Variants in STAB1 observed in about 807,000 individuals in gnomAD.
The protein encoded by STAB1 is stabilin-1.
In STAB1, 250 loss-of-function variants were observed where a neutral mutation model predicts 332.4. The ratio of observed to expected loss-of-function variants is 0.75; its 90% CI spans 0.68 to 0.84. The LOEUF is 0.84. Ranked by LOEUF, STAB1 falls within the 40% of genes least tolerant of loss-of-function variation. STAB1 has a pLI of 0.00. For synonymous variants in STAB1, 1,475 were observed against 1,390.4 expected, an observed-to-expected ratio of 1.06 and a Z score of -1.35; for missense variants, 3,249 against 3,489.7, an observed-to-expected ratio of 0.93 and a Z score of 1.74.
chr3:52,504,046 C>A lies in STAB1; in HGVS notation c.1041C>A (p.Ser347Arg). The A allele has an allele frequency of 6.3e-7, 1 of 1,596,460 alleles. No individual in the cohort carries two copies. Among genetic ancestry groups the A allele is most frequent in the African/African-American group, 1.3e-5 (1 of 74,700 alleles). Residue 347 changes from serine to arginine, a missense_variant, in exon 10 of 69, where the codon AGC (serine) becomes AGA (arginine). By Grantham distance (110) the Ser-to-Arg change is moderately radical. Transcript: ENST00000321725. The stretch of plus-strand genomic sequence containing the variant: ...AGCCCAGCTGTGTGTGCAGGGAAAG[C>A]GAGGTGGGGGATGGGCGTGCCTGCT... Reference protein sequence around the residue: ...DGKTSCVCRESEVGDGRACYG... With the variant: ...DGKTSCVCREREVGDGRACYG...
rs1259652870 is a variant in STAB1, at chr3:52,523,215, G to A, written c.7021-7G>A. On this transcript the variant is annotated splice_region_variant and splice_polypyrimidine_tract_variant and intron_variant, in intron 63 of 68. Coordinates refer to ENST00000321725, the MANE Select transcript of STAB1 (RefSeq NM_015136.3). ...CTGCTCATAGTTCTGTCTTTCCACC[G>A]TGCCAGATGCTATTGGGCTATGCCA... The A allele has an allele frequency of 1.7e-5, 27 of 1,612,904 alleles. No individual in the cohort carries two copies. Among genetic ancestry groups the A allele is most frequent in the African/African-American group, 2.7e-5 (2 of 74,926 alleles).
chr3:52,515,423 GAC>G lies in STAB1; in HGVS notation c.3870_3871del (p.Pro1291GlnfsTer39). The G allele has an allele frequency of 6.2e-7, 1 of 1,612,898 alleles. No homozygotes were observed. On this transcript the variant is annotated frameshift_variant and splice_region_variant, in exon 37 of 69. Transcript: ENST00000321725. LOFTEE classifies it high-confidence loss of function. Reference sequence around the variant, plus strand: ...CCCTCCTGCCTGTCCCCGTTTCCAGGACACACCCAGGAAGAGCTGTGTCTACC... The same window carrying G: ...CCCTCCTGCCTGTCCCCGTTTCCAGGACACCCAGGAAGAGCTGTGTCTACC... Reference protein sequence around the residue: ...FRCTQGFQLQDTPRKSCVYRS... With the variant: ...FRCTQGFQLQXTPRKSCVYRS...
intron 28 of STAB1, 46 bp downstream of exon 28, chr3:52,512,689 G>T (rs779237914): frequency 6.2e-7 from 1 of 1,613,106 alleles, no homozygotes; most frequent in Non-Finnish European, 8.5e-7. Flanking sequence ...AATCCAGGAG[G>T]CCTGCCTGGA....
intron 48 of STAB1, 42 bp downstream of exon 48, chr3:52,518,911 C>CCCCGCCCCGCCCCGCCCCGT (rs1312908002): frequency 2.1e-6 from 3 of 1,459,014 alleles, no homozygotes; most frequent in African/African-American, 1.4e-5. Flanking sequence ...TCCCGCCCCG[C>CCCCGCCCCGCCCCGCCCCGT]CCCGCCCCTG....
At chr3:52,517,264 CAG>C in intron 42 of STAB1, 54 bp from the exon 43 acceptor site, 1 of 1,507,574 alleles carries the variant, frequency 6.6e-7, no homozygotes, top group Non-Finnish European at 8.9e-7. Context: ...GTACAAAGGA[CAG>C]AGGAAGGGGG....
Position 52,513,968 on chromosome 3 carries a change from G to C in STAB1, c.3434G>C (p.Arg1145Pro). Residue 1145 changes from arginine (R) to proline (P), a missense_variant, in exon 32 of 69, where the codon CGG (arginine) becomes CCG (proline). By Grantham distance (103) the Arg-to-Pro change is moderately radical. Coordinates refer to ENST00000321725, the MANE Select transcript of STAB1 (RefSeq NM_015136.3). ...LDLVPAFSLF[R>P]ELLQHHGLVP... ...TTGGTGCCTGCCTTCAGCCTCTTCCGGGAATTGCTGCAGGTACGGAAGGCT... is the reference window on the plus strand; with the variant it reads ...TTGGTGCCTGCCTTCAGCCTCTTCCCGGAATTGCTGCAGGTACGGAAGGCT... 6.2e-7 allele frequency: 1 copy of C among 1,601,718 alleles called. No individual in the cohort carries two copies. The highest frequency in any genetic ancestry group is 8.5e-7 in the Non-Finnish European group (1 of 1,171,660).
rs146275888 is a variant in STAB1, at chr3:52,519,519, C to G, written c.5190C>G (p.Ala1730=). 77 of 1,613,174 alleles carry G rather than the reference C, an allele frequency of 4.8e-5. No homozygotes were observed. Among genetic ancestry groups the G allele is most frequent in the Non-Finnish European group, 6.4e-5 (76 of 1,180,014 alleles). Reference sequence around the variant, plus strand: ...CCTTTCCTCAGAGAAATGTCACCGCCGCCGCCCAGGGCTTCGGTTACAAGA... The same window carrying G: ...CCTTTCCTCAGAGAAATGTCACCGCGGCCGCCCAGGGCTTCGGTTACAAGA... ...DAPIPRRNVT[A]AAQGFGYKIF... Residue 1730 remains alanine (A), a synonymous_variant, in exon 50 of 69, where the codon GCC becomes GCG. Transcript: ENST00000321725.
At chr3:52,521,155 A>G (rs1405024912) in intron 55 of STAB1, 150 bp downstream of exon 55, 13 of 1,196,296 alleles carry the variant, frequency 1.1e-5, no homozygotes, top group East Asian at 5.1e-5. Context: ...AGTGCTCGGG[A>G]GAGGCATGGC....
rs780263235 is a variant in STAB1, at chr3:52,512,386, C to T, written c.2929C>T (p.Pro977Ser). ...VGGGQRVCTC[P>S]PGFGGDGFSC... is the part of the protein sequence containing the mutation. ...GGGAGGTCAGCGGGTCTGCACGTGCCCCCCTGGCTTTGGGGGTGATGGCTT... is the reference window on the plus strand; with the variant it reads ...GGGAGGTCAGCGGGTCTGCACGTGCTCCCCTGGCTTTGGGGGTGATGGCTT... The change falls in exon 27 of 69, where the codon CCC (proline) becomes TCC (serine). Residue 977 changes from proline to serine, a missense_variant. Physicochemically the swap from Pro to Ser is moderately conservative, Grantham distance 74. Coordinates refer to ENST00000321725, the MANE Select transcript of STAB1 (RefSeq NM_015136.3). The T allele has an allele frequency of 9.9e-6, 16 of 1,610,792 alleles. No individual in the cohort carries two copies. The South Asian group carries it at 1.4e-4, about 14-fold the overall frequency.
In STAB1 at chr3:52,520,924, G is replaced by C; in HGVS notation, c.5827G>C (p.Gly1943Arg). Residue 1943 changes from glycine to arginine, a missense_variant, in exon 55 of 69, where the codon GGC becomes CGC. Transcript: ENST00000321725. ...CCTTTGGGGTAGGCCCCAAGGCCTGGGCAGGGGCTGCCACCGCAATTGTGT... is the reference window on the plus strand; with the variant it reads ...CCTTTGGGGTAGGCCCCAAGGCCTGCGCAGGGGCTGCCACCGCAATTGTGT... ...PSLWGRPQGLGRGCHRNCVTT... is the reference protein window; with the variant it reads ...PSLWGRPQGLRRGCHRNCVTT... 6.3e-7 allele frequency: 1 copy of C among 1,597,274 alleles called. No individual in the cohort carries two copies. The highest frequency in any genetic ancestry group is 1.1e-5 in the South Asian group (1 of 89,084).
In STAB1 at chr3:52,516,227, A is replaced by G. The variant is rs1471762595; in HGVS notation, c.4133A>G (p.Asn1378Ser). Reference sequence around the variant, plus strand: ...TGTGAGCTGGGCCGCTACGGGCCCAACTGCACCGGAGGTGAGGACTGGGGA... The same window carrying G: ...TGTGAGCTGGGCCGCTACGGGCCCAGCTGCACCGGAGGTGAGGACTGGGGA... ...EVCELGRYGP[N>S]CTGVCDCAHG... Residue 1378 changes from asparagine (N) to serine (S), a missense_variant, in exon 38 of 69, where the codon AAC becomes AGC. Coordinates refer to ENST00000321725, the MANE Select transcript of STAB1 (RefSeq NM_015136.3). 9.2e-6 allele frequency: 14 copies of G among 1,517,932 alleles called. No homozygotes were observed. Among genetic ancestry groups the G allele is most frequent in the East Asian group, 2.3e-5 (1 of 43,612 alleles). The allele number at this position is 1,517,932 out of a possible 1,614,324, so 94.0% of individuals were successfully genotyped here.
chr3:52,500,183 G>A (rs1708340468), intron 1 of STAB1, among the ~76,000 whole-genome samples: 1 of 152,152 alleles, frequency 6.6e-6, no homozygotes, highest in Non-Finnish European at 1.5e-5. Flanking sequence ...CTCCCCTCGG[G>A]CCACTGCCTG....
At chr3:52,519,078 C>T (rs902032100) in intron 48 of STAB1, among the ~76,000 whole-genome samples, 186 bp from the exon 49 acceptor site, 5 of 152,094 alleles carry the variant, frequency 3.3e-5, no homozygotes, top group Non-Finnish European at 5.9e-5. Context: ...TTGTGTCCTT[C>T]CGAGGACTGA....
Position 52,502,669 on chromosome 3 carries a change from A to C in STAB1, c.525A>C (p.Pro175=), listed in dbSNP as rs779903268. The change falls in exon 6 of 69, where the codon CCA becomes CCC. Residue 175 remains proline, a synonymous_variant. Coordinates refer to ENST00000321725, the MANE Select transcript of STAB1 (RefSeq NM_015136.3). ...TGCACGGAGTGTGCAACCATGGGCC[A>C]CGTGGGGATGGAAGCTGCCTGTGCT... The part of the protein sequence containing the change: ...SCVHGVCNHG[P]RGDGSCLCFA... The C allele has an allele frequency of 8.1e-6, 13 of 1,613,850 alleles. No homozygotes were observed. The highest frequency in any genetic ancestry group is 1.0e-5 in the Non-Finnish European group (12 of 1,179,926).
intron 50 of STAB1, 117 bp downstream of exon 50, chr3:52,519,681 C>A: frequency 7.0e-7 from 1 of 1,421,616 alleles, no homozygotes; most frequent in Admixed American, 2.0e-5. Context: ...CCCGTGTGAG[C>A]CTGTGTGAAC....
rs1194589627 is a variant in STAB1 at position 52,514,140 on chromosome 3, A to C, written c.3473A>C (p.Glu1158Ala). 5 of 1,613,304 alleles carry C rather than the reference A, an allele frequency of 3.1e-6. No homozygotes were observed. The Admixed American group carries it at 8.3e-5, about 27-fold the overall frequency. The change falls in exon 33 of 69, where the codon GAG becomes GCG. Residue 1158 changes from glutamate to alanine, a missense_variant. Physicochemically the swap from Glu to Ala is moderately radical, Grantham distance 107. Transcript: ENST00000321725. ...LQHHGLVPQI[E>A]AATAYTIFVP... ...CACCATGGGTTGGTGCCCCAGATTG[A>C]GGCTGCCACTGCCTACACCATCTTT...
rs998287334 is a variant in STAB1 at position 52,509,511 on chromosome 3, C to T, written c.2347+190C>T. 74 of 596,662 alleles carry T rather than the reference C, an allele frequency of 1.2e-4. 1 individual carries two copies. The Admixed American group carries it at 2.0e-3, about 16-fold the overall frequency. The allele number at this position is 596,662 out of a possible 1,614,324, so 37.0% of individuals were successfully genotyped here. On this transcript the variant is annotated intron_variant, in intron 22 of 68. Transcript: ENST00000321725. The stretch of plus-strand genomic sequence containing the variant: ...GGAAACGAAGCCCCAGGAGGAGGGA[C>T]GAAGGCCAAGGGGAGTGGAGGAAGA...
Position 52,517,635 on chromosome 3 carries a change from TA to T in STAB1, c.4638+12del. On this transcript the variant is annotated intron_variant, in intron 44 of 68. Transcript: ENST00000321725. ...GACCCCTGCTCTAAGGTCAGGACCC[TA>T]GTCCTGTCCTCCTTCACTGACGAGA... is the stretch of plus-strand genomic sequence containing the variant. 1.9e-6 allele frequency: 3 copies of T among 1,611,532 alleles called. No homozygotes were observed. In the Middle Eastern group the frequency reaches 5.0e-4, roughly 266 times the overall value.
rs374757810 is a variant in STAB1, at chr3:52,523,464, A to G, written c.7178A>G (p.Asn2393Ser). Residue 2393 changes from asparagine to serine, a missense_variant, in exon 65 of 69, where the codon AAC (asparagine) becomes AGC (serine). Asn to Ser is a conservative substitution (Grantham distance 46, BLOSUM62 1). Coordinates refer to ENST00000321725, the MANE Select transcript of STAB1 (RefSeq NM_015136.3). ...CCAGACTTGGAGCTGCATGCCTCCA[A>G]CGCCACCCTCCTAAGTGCCAACGCC... ...SGPDLELHAS[N>S]ATLLSANASQ... 9.9e-6 allele frequency: 16 copies of G among 1,610,534 alleles called. No individual in the cohort carries two copies. The highest frequency in any genetic ancestry group is 6.7e-5 in the East Asian group (3 of 44,794).
Sources: gnomAD v4.1 joint callset for allele counts (sites outside exome capture counted in the v4.1 genomes callset) on GRCh38, gnomAD v4.1.1 for gene constraint, MANE v1.5 for transcripts, NCBI Gene and HGNC (gene_info 2026-07-23, HGNC 2026-07-21) for gene names.